Variants in PANK1 observed in about 807,000 individuals in gnomAD.
PANK1 encodes pantothenic acid kinase 1.
In PANK1, 18 loss-of-function variants were observed where a neutral mutation model predicts 40.1. The ratio of observed to expected loss-of-function variants is 0.45; its 90% CI spans 0.31 to 0.67. PANK1 has a LOEUF of 0.67. Ranked by LOEUF, PANK1 falls within the 30% of genes least tolerant of loss-of-function variation. The pLI is 0.06. For missense variants in PANK1, 457 were observed against 599.6 expected (o/e 0.76, Z 2.48); for synonymous variants, 242 against 237.7 (o/e 1.02, Z -0.17).
chr10:89,642,071 T>C (rs572810643), intron 1 of PANK1, among the ~76,000 whole-genome samples: 4 of 152,268 alleles, frequency 2.6e-5, no homozygotes, highest in East Asian at 3.9e-4. Context: ...CAAGAATAAG[T>C]AGAGTGAGGT....
chr10:89,595,724 G>A (rs980519454), intron 3 of PANK1, among the ~76,000 whole-genome samples: 16 of 148,740 alleles, frequency 1.1e-4, no homozygotes, highest in African/African-American at 4.0e-4. Flanking sequence ...GGATGCTGAG[G>A]TGCGGGGATT....
In PANK1 at chr10:89,588,780, G is replaced by A. The variant is rs1844280658; in HGVS notation, c.1201-3C>T. The A allele has an allele frequency of 6.4e-7, 1 of 1,564,736 alleles. No individual in the cohort carries two copies. Among genetic ancestry groups the A allele is most frequent in the Non-Finnish European group, 8.6e-7 (1 of 1,159,990 alleles). The stretch of plus-strand genomic sequence containing the variant: ...ACAAACACAACTCTGTCTATGTTCT[G>A]GAAAAAATATTAAAGAAAACAATTG... On this transcript the variant is annotated splice_polypyrimidine_tract_variant and splice_region_variant and intron_variant, in intron 5 of 6. Transcript: ENST00000307534.
rs778121328 is a variant in PANK1, at chr10:89,645,046, C to T, written c.-155G>A. On this transcript the variant is annotated 5_prime_UTR_variant, in exon 1 of 7. Coordinates refer to ENST00000307534, the MANE Select transcript of PANK1 (RefSeq NM_148977.3). ...GGGATGGCGAACCCGGCGCTCCTCC[C>T]CTCCTCCTGCCGACTCCCCCACCTC... 3.8e-6 allele frequency: 6 copies of T among 1,563,244 alleles called. No homozygotes were observed. Among genetic ancestry groups the T allele is most frequent in the Non-Finnish European group, 5.2e-6 (6 of 1,159,232 alleles).
In PANK1 at chr10:89,611,878, G is replaced by T; in HGVS notation, c.463C>A (p.His155Asn). The T allele has an allele frequency of 6.2e-7, 1 of 1,614,178 alleles. No homozygotes were observed. The highest frequency in any genetic ancestry group is 1.3e-5 in the African/African-American group (1 of 75,024). ...ATGGTCAGGTTTTTCAGTTCCAGGT[G>T]GACGTCTCGGATCCCAGTTTTCCCA... ...AYGKTGIRDV[H>N]LELKNLTMCG... The change falls in exon 2 of 7, where the codon CAC (histidine) becomes AAC (asparagine). Residue 155 changes from histidine (H) to asparagine (N), a missense_variant. Transcript: ENST00000307534.
At chr10:89,610,104 C>CTGGCAGCT (rs1019592287) in intron 2 of PANK1, among the ~76,000 whole-genome samples, 1 of 152,204 alleles carries the variant, frequency 6.6e-6, no homozygotes, top group African/African-American at 2.4e-5. Flanking sequence ...TTTGATCTCT[C>CTGGCAGCT]TGGCAGCTTT....
At chr10:89,641,311 C>G (rs1841961662) in intron 1 of PANK1, among the ~76,000 whole-genome samples, 1 of 152,158 alleles carries the variant, frequency 6.6e-6, no homozygotes, top group Non-Finnish European at 1.5e-5. Flanking sequence ...AGTTCCAAAG[C>G]TAAACATCCC....
At chr10:89,620,140 A>C (rs1196279099) in intron 1 of PANK1, among the ~76,000 whole-genome samples, 1 of 152,168 alleles carries the variant, frequency 6.6e-6, no homozygotes, top group African/African-American at 2.4e-5. Flanking sequence ...CCCTGTGTTG[A>C]TTGCGTTAAC....
At chr10:89,597,967 C>A (rs1207598378) in intron 3 of PANK1, among the ~76,000 whole-genome samples, 6 of 152,140 alleles carry the variant, frequency 3.9e-5, no homozygotes, top group Non-Finnish European at 7.3e-5. Context: ...AAAGCCTATA[C>A]TCTGGACACA....
At chr10:89,639,766 TA>T (rs913750504) in intron 1 of PANK1, among the ~76,000 whole-genome samples, 14 of 152,282 alleles carry the variant, frequency 9.2e-5, no homozygotes, top group African/African-American at 3.1e-4. Context: ...TCCTCATTTG[TA>T]AAAGGAAGAG....
At chr10:89,589,067 G>A (rs551481034) in intron 5 of PANK1, among the ~76,000 whole-genome samples, 42 of 152,018 alleles carry the variant, frequency 2.8e-4, no homozygotes, top group South Asian at 8.3e-4. Flanking sequence ...CAAAACATAC[G>A]TATATATACA....
intron 1 of PANK1, among the ~76,000 whole-genome samples, chr10:89,614,929 GAGGA>G (rs1477887905): frequency 6.6e-6 from 1 of 152,128 alleles, no homozygotes. Flanking sequence ...GAGAGGAAGG[GAGGA>G]AGGAAGGAAG....
intron 1 of PANK1, among the ~76,000 whole-genome samples, chr10:89,641,600 TG>T (rs1479502016): frequency 2.0e-5 from 3 of 151,252 alleles, no homozygotes; most frequent in South Asian, 2.1e-4. Flanking sequence ...GGCGTGGTGG[TG>T]GGCGCCTGTA....
chr10:89,593,942 C>A lies in PANK1; in HGVS notation c.947G>T (p.Cys316Phe). Residue 316 changes from cysteine (C) to phenylalanine (F), a missense_variant, in exon 4 of 7, where the codon TGT becomes TTT. By Grantham distance (205) the Cys-to-Phe change is radical (BLOSUM62 -2). Coordinates refer to ENST00000307534, the MANE Select transcript of PANK1 (RefSeq NM_148977.3). Reference protein sequence around the residue: ...FLGLCCLLTGCETFEEALEMA... With the variant: ...FLGLCCLLTGFETFEEALEMA... The stretch of plus-strand genomic sequence containing the variant: ...TTCCAGAGCTTCTTCAAAGGTCTCA[C>A]AACCAGTCAGCAAGCAACATAGGCC... 6.2e-7 allele frequency: 1 copy of A among 1,613,826 alleles called. No individual in the cohort carries two copies.
At chr10:89,595,832 AAATATATATATATATAT>A (rs1844567775) in intron 3 of PANK1, among the ~76,000 whole-genome samples, 2 of 56,560 alleles carry the variant, frequency 3.5e-5, no homozygotes, top group Admixed American at 2.4e-4. Context: ...AAAAAAAAAA[AAATATATATATATATAT>A]ATATATATAT....
At chr10:89,620,124 T>A (rs75178263) in intron 1 of PANK1, among the ~76,000 whole-genome samples, 5,660 of 152,286 alleles carry the variant, frequency 0.037, 410 homozygotes, top group East Asian at 0.28. Flanking sequence ...GTATATCCCC[T>A]CAGGACCCTG....
chr10:89,614,232 G>A (rs986002487), intron 1 of PANK1, among the ~76,000 whole-genome samples: 27 of 152,112 alleles, frequency 1.8e-4, no homozygotes, highest in Admixed American at 2.0e-4. Context: ...GGGTATTTTG[G>A]AACATTGCTG....
At chr10:89,633,255 A>T (rs1841704612) in intron 1 of PANK1, among the ~76,000 whole-genome samples, 1 of 152,204 alleles carries the variant, frequency 6.6e-6, no homozygotes, top group African/African-American at 2.4e-5. Context: ...TGGCTTTAGC[A>T]CAACGCTGAG....
chr10:89,618,641 T>A (rs918069685), intron 1 of PANK1, among the ~76,000 whole-genome samples: 5 of 152,234 alleles, frequency 3.3e-5, no homozygotes, highest in South Asian at 2.1e-4. Context: ...AGAATGCAAC[T>A]CTTGGCCATT....
intron 1 of PANK1, 135 bp downstream of exon 1, chr10:89,644,465 A>T: frequency 1.4e-6 from 1 of 720,036 alleles, no homozygotes; most frequent in Non-Finnish European, 2.2e-6. Flanking sequence ...CCGGGAACCT[A>T]CTCTGTGCAG....
Sources: gnomAD v4.1 joint callset for allele counts (sites outside exome capture counted in the v4.1 genomes callset) on GRCh38, gnomAD v4.1.1 for gene constraint, MANE v1.5 for transcripts, NCBI Gene and HGNC (gene_info 2026-07-23, HGNC 2026-07-21) for gene names.